B4GALT6: variants seen among roughly 807,000 people sequenced by gnomAD.
The protein encoded by B4GALT6 is beta-1,4-galactosyltransferase 6.
Under a neutral mutation model 46.3 loss-of-function variants are expected in B4GALT6, and 14 were observed. That is an observed-to-expected ratio of 0.30 (90% CI 0.20 to 0.47). B4GALT6 has a LOEUF of 0.47. Among genes scored for constraint, B4GALT6 ranks in the 20% least tolerant of loss-of-function variants. The pLI is 0.99. For synonymous variants in B4GALT6, 168 were observed against 162.0 expected (o/e 1.04, Z -0.28); for missense variants, 386 against 480.1 (o/e 0.80, Z 1.83).
At chr18:31,674,567 CTCTT>C (rs139675811) in intron 1 of B4GALT6, among the ~76,000 whole-genome samples, 145 of 152,262 alleles carry the variant, frequency 9.5e-4, no homozygotes, top group African/African-American at 2.9e-3. Flanking sequence ...AATCAGGTAT[CTCTT>C]TCTAAGAATT....
chr18:31,670,626 T>G (rs2074340044), intron 1 of B4GALT6, among the ~76,000 whole-genome samples: 1 of 152,168 alleles, frequency 6.6e-6, no homozygotes, highest in African/African-American at 2.4e-5. Flanking sequence ...CGGAAGAAAG[T>G]GCTATGTCAC....
chr18:31,625,347 C>T lies in B4GALT6; in HGVS notation c.*267G>A, dbSNP rs941593860. On this transcript the variant is annotated 3_prime_UTR_variant, in exon 9 of 9. Coordinates refer to ENST00000306851, the MANE Select transcript of B4GALT6 (RefSeq NM_004775.5). ...TTATAGATTTTAGTATAAAAATTTT[C>T]TCTTCGGAGGGAGCTCTCTTAACTT... 2.5e-5 allele frequency: 9 copies of T among 358,508 alleles called. No homozygotes were observed. The East Asian group carries it at 4.3e-4, about 17-fold the overall frequency. The allele number at this position is 358,508 out of a possible 1,614,324, so 22.2% of individuals were successfully genotyped here.
intron 5 of B4GALT6, among the ~76,000 whole-genome samples, chr18:31,631,459 T>C (rs894017941): frequency 2.0e-5 from 3 of 152,034 alleles, no homozygotes; most frequent in Admixed American, 6.5e-5. Context: ...ACTTCAGGAT[T>C]TTCAAATACA....
At position 31,623,722 on chromosome 18, in the gene B4GALT6, T is replaced by C. The variant is rs997190866; in HGVS notation, c.*1892A>G. 3 of 152,098 alleles carry C rather than the reference T, an allele frequency of 2.0e-5. No individual in the cohort carries two copies. The highest frequency in any genetic ancestry group is 7.2e-5 in the African/African-American group (3 of 41,452). 9.4% of individuals were successfully genotyped at this position (152,098 alleles called of 1,614,324 possible). ...GTTCTAAGAAATAAATATGAAAATATTTTGTTTGGTATCATAACACAGAAG... is the reference window on the plus strand; with the variant it reads ...GTTCTAAGAAATAAATATGAAAATACTTTGTTTGGTATCATAACACAGAAG... On this transcript the variant is annotated 3_prime_UTR_variant, in exon 9 of 9. Coordinates refer to ENST00000306851, the MANE Select transcript of B4GALT6 (RefSeq NM_004775.5).
At chr18:31,643,170 G>C (rs932503745) in intron 4 of B4GALT6, among the ~76,000 whole-genome samples, 6 of 152,148 alleles carry the variant, frequency 3.9e-5, no homozygotes, top group African/African-American at 1.4e-4. Context: ...ATTTATATGA[G>C]TACAGCTCAC....
At chr18:31,675,087 T>C (rs1014642474) in intron 1 of B4GALT6, among the ~76,000 whole-genome samples, 1 of 152,232 alleles carries the variant, frequency 6.6e-6, no homozygotes, top group Non-Finnish European at 1.5e-5. Flanking sequence ...TTTCAGATCT[T>C]AGCTAACAAC....
chr18:31,689,215 C>A (rs71361339), upstream of B4GALT6, among the ~76,000 whole-genome samples: 1 of 152,000 alleles, frequency 6.6e-6, no homozygotes, highest in Admixed American at 6.6e-5. Flanking sequence ...TTACAGGGAA[C>A]CTGAGCTGCC....
chr18:31,681,405 T>C (rs2074478080), intron 1 of B4GALT6, among the ~76,000 whole-genome samples: 2 of 152,142 alleles, frequency 1.3e-5, no homozygotes, highest in African/African-American at 4.8e-5. Flanking sequence ...CTTCCTATGG[T>C]GTGGTGATGG....
chr18:31,710,391 C>T, the B4GALT6 span, among the ~76,000 whole-genome samples: 22 of 152,244 alleles, frequency 1.4e-4, no homozygotes, highest in South Asian at 4.1e-4. Flanking sequence ...ATATGTTTAC[C>T]GGAACTTGTG....
At chr18:31,659,332 C>G (rs2074183200) in intron 2 of B4GALT6, among the ~76,000 whole-genome samples, 1 of 152,182 alleles carries the variant, frequency 6.6e-6, no homozygotes, top group Admixed American at 6.5e-5. Context: ...CCATTGCACA[C>G]CTTTACCTAA....
chr18:31,708,175 G>A, the B4GALT6 span, among the ~76,000 whole-genome samples: 293 of 152,328 alleles, frequency 1.9e-3, 4 homozygotes, highest in East Asian at 0.033. Flanking sequence ...TTTTAGGAGT[G>A]TTTGGAGGAG....
the B4GALT6 span, among the ~76,000 whole-genome samples, chr18:31,712,276 A>C: frequency 3.5e-5 from 4 of 115,528 alleles, no homozygotes; most frequent in African/African-American, 7.2e-5. Context: ...TTGCACTTCT[A>C]CTGGGACGTT....
At chr18:31,686,698 A>G (rs1405273966), upstream of B4GALT6, 4 of 152,274 alleles carry the variant, frequency 2.6e-5, no homozygotes. Context: ...GAACAACATT[A>G]AAAGGAAACT....
At chr18:31,710,374 C>CA in the B4GALT6 span, among the ~76,000 whole-genome samples, 12,981 of 152,038 alleles carry the variant, frequency 0.085, 622 homozygotes, top group Non-Finnish European at 0.097. Context: ...GGTGGCCTCC[C>CA]AAAAAAATAT....
rs1288959073 is a variant in B4GALT6, at chr18:31,684,537, G to A, written c.-111C>T. On this transcript the variant is annotated 5_prime_UTR_variant, in exon 1 of 9. Coordinates refer to ENST00000306851, the MANE Select transcript of B4GALT6 (RefSeq NM_004775.5). ...CTGAGAACCCCGAGACTGCAGCGGG[G>A]TCCGCGCGGGGAGGCTCTGGGGAGA... The A allele has an allele frequency of 8.0e-6, 12 of 1,502,344 alleles. No homozygotes were observed. Among genetic ancestry groups the A allele is most frequent in the Non-Finnish European group, 1.1e-5 (12 of 1,124,062 alleles). 93.1% of individuals were successfully genotyped at this position (1,502,344 alleles called of 1,614,324 possible). A position where few individuals can be genotyped will look rare whatever the true frequency, so the allele number is the denominator to read the frequency against.
At chr18:31,691,168 T>G in the B4GALT6 span, among the ~76,000 whole-genome samples, 1 of 151,908 alleles carries the variant, frequency 6.6e-6, no homozygotes, top group Non-Finnish European at 1.5e-5. Flanking sequence ...TAAAAAGTCA[T>G]TTTCTGAACA....
At chr18:31,697,114 A>G in the B4GALT6 span, among the ~76,000 whole-genome samples, 13 of 152,286 alleles carry the variant, frequency 8.5e-5, no homozygotes, top group African/African-American at 3.1e-4. Flanking sequence ...CTACTAAAAA[A>G]TACAAAAATT....
the B4GALT6 span, among the ~76,000 whole-genome samples, chr18:31,693,068 TATTTCCTTA>T: frequency 6.6e-6 from 1 of 152,246 alleles, no homozygotes. Context: ...CTTCCTCAAA[TATTTCCTTA>T]AAAGCATCAC....
At chr18:31,704,591 C>T in the B4GALT6 span, among the ~76,000 whole-genome samples, 1 of 152,150 alleles carries the variant, frequency 6.6e-6, no homozygotes, top group Admixed American at 6.5e-5. Context: ...CTCTGACAAA[C>T]ACTCAGGTAT....
Sources: gnomAD v4.1 joint callset for allele counts (sites outside exome capture counted in the v4.1 genomes callset) on GRCh38, gnomAD v4.1.1 for gene constraint, MANE v1.5 for transcripts, NCBI Gene and HGNC (gene_info 2026-07-23, HGNC 2026-07-21) for gene names.